TNRC6A: variants seen among roughly 807,000 people sequenced by gnomAD.
The protein encoded by TNRC6A is trinucleotide repeat-containing gene 6A protein.
A neutral mutation model predicts 221.2 loss-of-function variants in TNRC6A; 44 were observed. The ratio of observed to expected loss-of-function variants is 0.20; its 90% CI spans 0.16 to 0.26. The LOEUF (loss-of-function observed/expected upper bound fraction) is 0.26. TNRC6A is among the 10% of genes least tolerant of loss of function. TNRC6A has a pLI of 1.00. For missense variants in TNRC6A, 2,199 were observed against 2,404.4 expected, an observed-to-expected ratio of 0.91 and a Z score of 1.79; for synonymous variants, 847 against 838.5, an observed-to-expected ratio of 1.01 and a Z score of -0.18.
chr16:24,708,401 C>T (rs973811788), intron 2 of TNRC6A, among the ~76,000 whole-genome samples: 2 of 152,028 alleles, frequency 1.3e-5, no homozygotes, highest in African/African-American at 4.8e-5. Context: ...CCACCACGCC[C>T]GGCTAATTTT....
intron 1 of TNRC6A, among the ~76,000 whole-genome samples, chr16:24,633,784 C>A (rs996879449): frequency 2.8e-5 from 3 of 107,802 alleles, no homozygotes; most frequent in Admixed American, 9.8e-5. Context: ...GAATTTATCT[C>A]TCTTTTTTTT....
chr16:24,764,758 TC>T (rs561409273), intron 4 of TNRC6A, among the ~76,000 whole-genome samples: 1 of 152,160 alleles, frequency 6.6e-6, no homozygotes, highest in Non-Finnish European at 1.5e-5. Context: ...TATACAGTAA[TC>T]CCCCTGTATC....
At chr16:24,621,443 C>T (rs1199398638) in intron 1 of TNRC6A, among the ~76,000 whole-genome samples, 5 of 150,148 alleles carry the variant, frequency 3.3e-5, no homozygotes, top group Non-Finnish European at 7.4e-5. Context: ...ACTGCAAACT[C>T]CGCCTCCCAG....
At chr16:24,753,638 T>A (rs978762004) in intron 3 of TNRC6A, among the ~76,000 whole-genome samples, 2 of 152,240 alleles carry the variant, frequency 1.3e-5, no homozygotes, top group Non-Finnish European at 2.9e-5. Context: ...ACAGGGTTTT[T>A]AAGACAGGTT....
intron 2 of TNRC6A, among the ~76,000 whole-genome samples, chr16:24,692,722 T>A (rs757452018): frequency 6.6e-6 from 1 of 151,704 alleles, no homozygotes; most frequent in African/African-American, 2.4e-5. Context: ...TAAAAAAAAA[T>A]TATATATATA....
At chr16:24,786,734 T>C (rs2151833898) in intron 5 of TNRC6A, among the ~76,000 whole-genome samples, 1 of 152,076 alleles carries the variant, frequency 6.6e-6, no homozygotes, top group Non-Finnish European at 1.5e-5. Context: ...CAGGCTGGAG[T>C]GCAGTGGCGC....
chr16:24,709,824 CAAAA>C (rs60844823), intron 2 of TNRC6A, among the ~76,000 whole-genome samples: 7 of 103,748 alleles, frequency 6.7e-5, no homozygotes, highest in Admixed American at 1.0e-4. Context: ...GACCCTGTCT[CAAAA>C]AAAAAAAAAA....
rs955539099 is a variant in TNRC6A at position 24,824,584 on chromosome 16, A to G, written c.*777A>G. On this transcript the variant is annotated 3_prime_UTR_variant, in exon 25 of 25. Transcript: ENST00000395799. ...CAGATTTTTTTGTTTGTTTTTTGAG[A>G]AAAAAAAATGTTTACTCTTCCATCA... The G allele has an allele frequency of 2.0e-5, 3 of 151,096 alleles. No homozygotes were observed. Among genetic ancestry groups the G allele is most frequent in the South Asian group, 2.1e-4 (1 of 4,720 alleles). The allele number at this position is 151,096 out of a possible 1,614,324, so 9.4% of individuals were successfully genotyped here. A position where few individuals can be genotyped will look rare whatever the true frequency, so the allele number is the denominator to read the frequency against.
In TNRC6A at chr16:24,704,082, CAAAAA is replaced by C. The variant is rs34569194; in HGVS notation, n.403-46628_403-46624del. Among the ~76,000 whole-genome samples the C allele has an allele frequency of 2.3e-3, 312 of 132,932 alleles. 1 individual carries two copies. The Middle Eastern group carries it at 0.025, about 11-fold the overall frequency. The allele number at this position is 132,932 out of a possible 152,430, so 87.2% of individuals were successfully genotyped here. ...TGGGTGATGGAATGAGACCTTGTAT[CAAAAA>C]AAAAAAAAAAAAAAATTTTTTTTTG... On this transcript the variant is annotated intron_variant and non_coding_transcript_variant, in intron 2 of 2. Transcript: ENST00000566108.
chr16:24,644,674 A>G (rs1383924579), intron 2 of TNRC6A, among the ~76,000 whole-genome samples: 1 of 151,894 alleles, frequency 6.6e-6, no homozygotes, highest in East Asian at 1.9e-4. Context: ...GCTGGTCTCA[A>G]ACTCCTAGTC....
intron 2 of TNRC6A, among the ~76,000 whole-genome samples, chr16:24,744,975 GGGT>G (rs2056972066): frequency 6.6e-6 from 1 of 152,092 alleles, no homozygotes; most frequent in African/African-American, 2.4e-5. Flanking sequence ...TTTCACATCA[GGGT>G]GTAGAGGAGA....
Position 24,791,090 on chromosome 16 carries a change from C to T in TNRC6A, c.2448C>T (p.Ser816=), listed in dbSNP as rs1180406094. 1 of 1,611,954 alleles carries T rather than the reference C, an allele frequency of 6.2e-7. No individual in the cohort carries two copies. Among genetic ancestry groups the T allele is most frequent in the Non-Finnish European group, 8.5e-7 (1 of 1,178,916 alleles). ...CTGCTGCTACAGGAATGGTCAAGAGCAATCAGTGGGGGAATTGCAAAGAGG... is the reference window on the plus strand; with the variant it reads ...CTGCTGCTACAGGAATGGTCAAGAGTAATCAGTGGGGGAATTGCAAAGAGG... ...DDSAATGMVK[S]NQWGNCKEEK... is the part of the protein sequence containing the mutation. The change falls in exon 6 of 25, where the codon AGC becomes AGT. Residue 816 remains serine (S), a synonymous_variant. Coordinates refer to ENST00000395799, the MANE Select transcript of TNRC6A (RefSeq NM_014494.4).
chr16:24,725,424 C>T (rs1219919525), upstream of TNRC6A, among the ~76,000 whole-genome samples: 2 of 152,012 alleles, frequency 1.3e-5, no homozygotes, highest in Non-Finnish European at 2.9e-5. Context: ...CCATTTGCCT[C>T]GGTCTGGCAG....
At chr16:24,812,877 C>CTTTTTTTTTTTTT (rs71383720) in intron 18 of TNRC6A, among the ~76,000 whole-genome samples, 1 of 74,992 alleles carries the variant, frequency 1.3e-5, no homozygotes, top group African/African-American at 5.4e-5. Context: ...ACCTCTTGGG[C>CTTTTTTTTTTTTT]TTTTTTTTTT....
chr16:24,747,292 C>T (rs934812177), intron 2 of TNRC6A, among the ~76,000 whole-genome samples: 1 of 152,198 alleles, frequency 6.6e-6, no homozygotes, highest in Non-Finnish European at 1.5e-5. Context: ...CCCTCAGTGG[C>T]ATTGACTTTT....
At chr16:24,766,524 G>GAATC (rs1009498601) in intron 4 of TNRC6A, among the ~76,000 whole-genome samples, 1 of 152,144 alleles carries the variant, frequency 6.6e-6, no homozygotes, top group African/African-American at 2.4e-5. Flanking sequence ...CAGCAAAGGT[G>GAATC]AATCACAGTG....
intron 2 of TNRC6A, among the ~76,000 whole-genome samples, chr16:24,665,885 A>G (rs1381391699): frequency 6.6e-6 from 1 of 152,162 alleles, no homozygotes; most frequent in Non-Finnish European, 1.5e-5. Flanking sequence ...TAGCATATCA[A>G]TCAAATCTTT....
chr16:24,648,455 A>G (rs549612304), intron 2 of TNRC6A, among the ~76,000 whole-genome samples: 32 of 151,960 alleles, frequency 2.1e-4, no homozygotes, highest in Non-Finnish European at 2.1e-4. Context: ...TATTTTTAGT[A>G]GAGACGGGGT....
rs1245335281 is a variant in TNRC6A, at chr16:24,814,393, CTTTTCTTTTTT to C, written c.4673-738_4673-728del. 8.0e-5 allele frequency among the ~76,000 whole-genome samples: 9 copies of C among 112,402 alleles called. No homozygotes were observed. The East Asian group carries it at 2.0e-3, about 24-fold the overall frequency. The allele number at this position is 112,402 out of a possible 152,430, so 73.7% of individuals were successfully genotyped here. On this transcript the variant is annotated intron_variant, in intron 18 of 24. Coordinates refer to ENST00000395799, the MANE Select transcript of TNRC6A (RefSeq NM_014494.4). ...TTACTCCTTCTGGTGTCATTTTTTT[CTTTTCTTTTTT>C]TTTTCTTTTTTTTTTTTTTTTTGGA...
Sources: gnomAD v4.1 joint callset for allele counts (sites outside exome capture counted in the v4.1 genomes callset) on GRCh38, gnomAD v4.1.1 for gene constraint, MANE v1.5 for transcripts, NCBI Gene and HGNC (gene_info 2026-07-23, HGNC 2026-07-21) for gene names.